FBH1: variants seen among roughly 807,000 people sequenced by gnomAD.
FBH1 encodes the protein F-box DNA helicase 1, also known as DNA 3'-5' helicase 1.
In FBH1, 43 loss-of-function variants were observed where a neutral mutation model predicts 115.5. The ratio of observed to expected loss-of-function variants is 0.37; its 90% CI spans 0.29 to 0.48. The LOEUF is 0.48. FBH1 is among the 20% of genes least tolerant of loss of function. The pLI is 0.99. For missense variants in FBH1, 1,001 were observed against 1,337.3 expected (o/e 0.75, Z 3.92); for synonymous variants, 524 against 507.8 (o/e 1.03, Z -0.43).
At chr10:5,896,356 A>G (rs1843002835) in intron 1 of FBH1, among the ~76,000 whole-genome samples, 1 of 152,182 alleles carries the variant, frequency 6.6e-6, no homozygotes, top group Non-Finnish European at 1.5e-5. Flanking sequence ...AGCAAAGGCC[A>G]GGAATTGCTG....
intron 2 of FBH1, 64 bp from the exon 3 acceptor site, chr10:5,905,973 G>A: frequency 4.2e-6 from 5 of 1,195,180 alleles, no homozygotes; most frequent in Non-Finnish European, 6.1e-6. Flanking sequence ...GTCTTATATG[G>A]ATTAACAGCA....
At position 5,909,162 on chromosome 10, in the gene FBH1, C is replaced by G; in HGVS notation, c.888C>G (p.Tyr296Ter). Residue 296 changes from tyrosine to a stop codon, truncating the protein, a stop_gained, in exon 5 of 21, where the codon TAC (tyrosine) becomes TAG (stop). Transcript: ENST00000362091. LOFTEE classifies it high-confidence loss of function. This position sits in a 1 kb window ranked among gnomAD's most constrained non-coding sequence, Gnocchi z 4.4. ...SDLCVLNLIR[Y>*]TATTKCSPSV... ...CTCTCCTGTGAATGTCTTACAGATA[C>G]ACAGCCACCACTAAGTGCTCTCCGA... 6.2e-7 allele frequency: 1 copy of G among 1,613,624 alleles called. No homozygotes were observed. The highest frequency in any genetic ancestry group is 8.5e-7 in the Non-Finnish European group (1 of 1,179,946).
chr10:5,928,929 G>A (rs1832810998), intron 19 of FBH1, among the ~76,000 whole-genome samples: 1 of 152,144 alleles, frequency 6.6e-6, no homozygotes, highest in Admixed American at 6.5e-5. Context: ...TATTCTCAGT[G>A]CCATATTGCC....
rs908789627 is a variant in FBH1 at position 5,902,951 on chromosome 10, CT to C, written c.2-68del. ...TATGCAGAAACTTGAGTATAATGTGCTGGCTAGCTTGTAGAATCGGTGATAA... is the reference window on the plus strand; with the variant it reads ...TATGCAGAAACTTGAGTATAATGTGCGGCTAGCTTGTAGAATCGGTGATAA... On this transcript the variant is annotated intron_variant, in intron 1 of 20. Coordinates refer to ENST00000362091, the MANE Select transcript of FBH1 (RefSeq NM_178150.3). The C allele has an allele frequency of 6.8e-6, 10 of 1,464,946 alleles. No individual in the cohort carries two copies. In the African/African-American group the frequency reaches 1.4e-4, roughly 21 times the overall value. 90.7% of individuals were successfully genotyped at this position (1,464,946 alleles called of 1,614,324 possible).
At position 5,936,924 on chromosome 10, in the gene FBH1, G is replaced by C; in HGVS notation, c.2962-186G>C. On this transcript the variant is annotated intron_variant, in intron 20 of 20. Coordinates refer to ENST00000362091, the MANE Select transcript of FBH1 (RefSeq NM_178150.3). The surrounding 1 kb of genome is among the most constrained non-coding windows in gnomAD (Gnocchi z 5.6). ...GTTTCTGAGCTCAGGGAATTTGGGGGTGTTGAGGCCACCTAGTTGGTGGTG... is the reference window on the plus strand; with the variant it reads ...GTTTCTGAGCTCAGGGAATTTGGGGCTGTTGAGGCCACCTAGTTGGTGGTG... 5 of 655,300 alleles carry C rather than the reference G, an allele frequency of 7.6e-6. No individual in the cohort carries two copies. Among genetic ancestry groups the C allele is most frequent in the Non-Finnish European group, 1.3e-5 (5 of 387,782 alleles). The allele number at this position is 655,300 out of a possible 1,614,324, so 40.6% of individuals were successfully genotyped here.
intron 1 of FBH1, chr10:5,894,916 G>A (rs1021644087): frequency 2.0e-5 from 17 of 865,068 alleles, no homozygotes; most frequent in Non-Finnish European, 2.8e-5. Context: ...CTTACACAAA[G>A]AATTGTTACA....
chr10:5,905,503 G>A (rs1843637078), intron 2 of FBH1, among the ~76,000 whole-genome samples: 1 of 152,220 alleles, frequency 6.6e-6, no homozygotes, highest in South Asian at 2.1e-4. Flanking sequence ...GGGCGACAGA[G>A]TGGGATTCCA....
chr10:5,919,151 C>T lies in FBH1; in HGVS notation c.2100+673C>T, dbSNP rs570054347. 5.3e-5 allele frequency among the ~76,000 whole-genome samples: 8 copies of T among 152,054 alleles called. No homozygotes were observed. The East Asian group carries it at 7.7e-4, about 15-fold the overall frequency. On this transcript the variant is annotated intron_variant, in intron 13 of 20. Transcript: ENST00000362091. ...TTCTTGCTGCATTTTTTTTTGTTCTCGGAAATATGTTTCAAAAAATATGTT... is the reference window on the plus strand; with the variant it reads ...TTCTTGCTGCATTTTTTTTTGTTCTTGGAAATATGTTTCAAAAAATATGTT...
At chr10:5,916,048 T>A in intron 9 of FBH1, 186 bp from the exon 10 acceptor site, 1 of 604,204 alleles carries the variant, frequency 1.7e-6, no homozygotes. Flanking sequence ...TTGGTACATG[T>A]GAGTCCTGAA....
chr10:5,896,189 G>A (rs182989132), intron 1 of FBH1, among the ~76,000 whole-genome samples: 5 of 152,218 alleles, frequency 3.3e-5, no homozygotes, highest in African/African-American at 9.6e-5. Flanking sequence ...GTAAGGACTC[G>A]TTCAGGGGAG....
In FBH1 at chr10:5,895,049, T is replaced by C; in HGVS notation, c.1+4703T>C. On this transcript the variant is annotated intron_variant, in intron 1 of 20. Coordinates refer to ENST00000362091, the MANE Select transcript of FBH1 (RefSeq NM_178150.3). The surrounding 1 kb of genome is among the most constrained non-coding windows in gnomAD (Gnocchi z 5.0). The stretch of plus-strand genomic sequence containing the variant: ...ACTGTTGAAATTGGGCCATTCCCGT[T>C]TCACAGGCTGCCATTGGACCTGTCA... 1 of 1,609,518 alleles carries C rather than the reference T, an allele frequency of 6.2e-7. No individual in the cohort carries two copies. The highest frequency in any genetic ancestry group is 1.1e-5 in the South Asian group (1 of 90,754).
rs1307345334 is a variant in FBH1 at position 5,898,929 on chromosome 10, T to C, written c.2-4091T>C. On this transcript the variant is annotated intron_variant, in intron 1 of 20. Coordinates refer to ENST00000362091, the MANE Select transcript of FBH1 (RefSeq NM_178150.3). ...CATGTGATGAGACATCTCCATCTCA[T>C]TGATGGTCATTATCAATGCACCGTT... Among the ~76,000 whole-genome samples the C allele has an allele frequency of 6.6e-5, 10 of 152,344 alleles. No individual in the cohort carries two copies. In the South Asian group the frequency reaches 1.9e-3, roughly 28 times the overall value.
intron 18 of FBH1, among the ~76,000 whole-genome samples, chr10:5,927,118 CTTG>C (rs1402432945): frequency 6.6e-6 from 1 of 152,204 alleles, no homozygotes; most frequent in Non-Finnish European, 1.5e-5. Context: ...GTCTCACGGG[CTTG>C]TTGTGGGAAC....
chr10:5,908,881 G>T, intron 3 of FBH1, 44 bp from the exon 4 acceptor site: 1 of 1,608,280 alleles, frequency 6.2e-7, no homozygotes, highest in South Asian at 1.1e-5. Flanking sequence ...GCTTTCTAAT[G>T]GCCCTTTGCC....
Position 5,913,956 on chromosome 10 carries a change from G to T in FBH1, c.1304+117G>T, listed in dbSNP as rs1421567515. 1.9e-5 allele frequency: 17 copies of T among 882,956 alleles called. No individual in the cohort carries two copies. The highest frequency in any genetic ancestry group is 6.1e-5 in the South Asian group (4 of 65,624). 54.7% of individuals were successfully genotyped at this position (882,956 alleles called of 1,614,324 possible). A position where few individuals can be genotyped will look rare whatever the true frequency, so the allele number is the denominator to read the frequency against. On this transcript the variant is annotated intron_variant, in intron 7 of 20. Coordinates refer to ENST00000362091, the MANE Select transcript of FBH1 (RefSeq NM_178150.3). The surrounding 1 kb of genome is among the most constrained non-coding windows in gnomAD (Gnocchi z 4.4). ...ATCATTGAGGTTAATAATGTAAATT[G>T]TGTAAAACTCACCCATCCTAAGAGT...
chr10:5,912,389 A>T (rs991945572), intron 6 of FBH1, among the ~76,000 whole-genome samples: 2 of 151,216 alleles, frequency 1.3e-5, no homozygotes, highest in Non-Finnish European at 2.9e-5. Context: ...GTAGAATAAA[A>T]CTCAGGGTTT....
rs947469220 is a variant in FBH1, at chr10:5,900,923, C to T, written c.2-2097C>T. 2.0e-5 allele frequency among the ~76,000 whole-genome samples: 3 copies of T among 151,958 alleles called. No individual in the cohort carries two copies. The highest frequency in any genetic ancestry group is 4.4e-5 in the Non-Finnish European group (3 of 68,004). ...ACCAGCCTGGCCAACATAGTAAAAC[C>T]CCGTCTCTACTAAAGATACAAAAGT... On this transcript the variant is annotated intron_variant, in intron 1 of 20. Transcript: ENST00000362091. This position sits in a 1 kb window ranked among gnomAD's most constrained non-coding sequence, Gnocchi z 4.2.
intron 19 of FBH1, among the ~76,000 whole-genome samples, chr10:5,928,148 C>A (rs141715161): frequency 8.7e-6 from 1 of 114,900 alleles, no homozygotes; most frequent in Non-Finnish European, 1.7e-5. Flanking sequence ...TCAATTAGTT[C>A]TTTTTTTTTT....
At position 5,906,934 on chromosome 10, in the gene FBH1, C is replaced by T. The variant is rs1477509719; in HGVS notation, c.753+302C>T. Reference sequence around the variant, plus strand: ...TGCTCTCATCCTCCCACCTTCCCCACCTGGAGGGTTCCTCATATCTCCCTT... The same window carrying T: ...TGCTCTCATCCTCCCACCTTCCCCATCTGGAGGGTTCCTCATATCTCCCTT... On this transcript the variant is annotated intron_variant, in intron 3 of 20. Coordinates refer to ENST00000362091, the MANE Select transcript of FBH1 (RefSeq NM_178150.3). The surrounding 1 kb of genome is among the most constrained non-coding windows in gnomAD (Gnocchi z 7.3). Among the ~76,000 whole-genome samples, 1 of 152,094 alleles carries T rather than the reference C, an allele frequency of 6.6e-6. No individual in the cohort carries two copies. Among genetic ancestry groups the T allele is most frequent in the Non-Finnish European group, 1.5e-5 (1 of 67,998 alleles).
Sources: allele counts gnomAD v4.1 joint callset (sites outside exome capture counted in the v4.1 genomes callset), GRCh38; gene constraint gnomAD v4.1.1; non-coding constraint Gnocchi (gnomAD v3.1); transcripts MANE v1.5; gene names NCBI Gene and HGNC (gene_info 2026-07-23, HGNC 2026-07-21).